ZNF385D: variants seen among roughly 807,000 people sequenced by gnomAD.
ZNF385D encodes the protein zinc finger protein 385D, also known as zinc finger protein 659.
In ZNF385D, 15 loss-of-function variants were observed where a neutral mutation model predicts 35.8. That is an observed-to-expected ratio of 0.42 (90% CI 0.28 to 0.64). The LOEUF (loss-of-function observed/expected upper bound fraction) is 0.64, where lower values mean the gene tolerates loss of function less well. Ranked by LOEUF, ZNF385D falls within the 30% of genes least tolerant of loss-of-function variation. ZNF385D has a pLI of 0.23. For missense variants in ZNF385D, 474 were observed against 494.6 expected, an observed-to-expected ratio of 0.96 and a Z score of 0.39; for synonymous variants, 212 against 186.8, an observed-to-expected ratio of 1.13 and a Z score of -1.10.
chr3:21,531,178 T>A lies in ZNF385D; in HGVS notation c.277-20155A>T, dbSNP rs1358657389. Among the ~76,000 whole-genome samples, 16 of 152,090 alleles carry A rather than the reference T, an allele frequency of 1.1e-4. 1 individual carries two copies. The stretch of plus-strand genomic sequence containing the variant: ...TCTACACTGTTGCTTAATGCTTTTT[T>A]AAAAAAAGGCAAATTAAAACAATGA... On this transcript the variant is annotated intron_variant, in intron 3 of 7. Coordinates refer to ENST00000281523, the MANE Select transcript of ZNF385D (RefSeq NM_024697.3).
intron 3 of ZNF385D, among the ~76,000 whole-genome samples, chr3:21,531,806 A>G (rs1259624097): frequency 6.6e-6 from 1 of 152,228 alleles, no homozygotes; most frequent in East Asian, 1.9e-4. Context: ...ATTCTGTATA[A>G]TATGGTAACA....
chr3:21,428,087 C>T (rs184293176), intron 5 of ZNF385D, among the ~76,000 whole-genome samples: 62 of 152,150 alleles, frequency 4.1e-4, no homozygotes, highest in African/African-American at 1.5e-3. Flanking sequence ...GATCTTAAAG[C>T]TTGAGTAGGC....
At chr3:22,068,875 C>G (rs1481112244) in intron 3 of ZNF385D, among the ~76,000 whole-genome samples, 1 of 152,208 alleles carries the variant, frequency 6.6e-6, no homozygotes, top group East Asian at 1.9e-4. Context: ...GCACAGATCA[C>G]AGTGACACTT....
rs970549681 is a variant in ZNF385D, at chr3:21,441,720, C to T, written c.440-4517G>A. On this transcript the variant is annotated intron_variant, in intron 4 of 7. Transcript: ENST00000281523. ...AGAATGGTAAGAATAAACCACAGGG[C>T]TTCATTGCACCTTTTTTTCCCCCTG... 3.0e-6 allele frequency: 3 copies of T among 985,206 alleles called. No homozygotes were observed. In the African/African-American group the frequency reaches 5.2e-5, roughly 17 times the overall value. The allele number at this position is 985,206 out of a possible 1,614,324, so 61.0% of individuals were successfully genotyped here.
intron 1 of ZNF385D, among the ~76,000 whole-genome samples, chr3:21,744,006 C>A (rs1297727798): frequency 6.6e-6 from 1 of 152,164 alleles, no homozygotes; most frequent in South Asian, 2.1e-4. Context: ...ATTACTGTTA[C>A]AAATAATCTT....
In ZNF385D at chr3:21,967,952, A is replaced by G. The variant is rs146524865; in HGVS notation, c.325+200865T>C. 6.5e-3 allele frequency among the ~76,000 whole-genome samples: 984 copies of G among 152,326 alleles called. 10 individuals carry two copies. The highest frequency in any genetic ancestry group is 0.022 in the African/African-American group (928 of 41,570). On this transcript the variant is annotated intron_variant, in intron 3 of 5. Transcript: ENST00000494108. ...TATCTGTTCTTAACATCATGTAAGG[A>G]AAGAGACACTAAAGTGGGTAGTTTT...
intron 3 of ZNF385D, among the ~76,000 whole-genome samples, chr3:21,867,930 T>C (rs1027274793): frequency 2.6e-5 from 4 of 152,108 alleles, no homozygotes; most frequent in African/African-American, 9.7e-5. Context: ...CTAATTTAAA[T>C]TTACACAACC....
chr3:21,521,563 G>A (rs1707910167), intron 3 of ZNF385D, among the ~76,000 whole-genome samples: 2 of 152,002 alleles, frequency 1.3e-5, no homozygotes, highest in South Asian at 4.2e-4. Flanking sequence ...GACCGGCTTG[G>A]GCAACAAAGC....
chr3:21,764,291 G>C (rs1006610846), intron 3 of ZNF385D, among the ~76,000 whole-genome samples: 2 of 152,108 alleles, frequency 1.3e-5, no homozygotes, highest in African/African-American at 2.4e-5. Flanking sequence ...GTATTAGTTA[G>C]GAGAAGTAGT....
chr3:22,182,086 G>A (rs567625402), intron 2 of ZNF385D, among the ~76,000 whole-genome samples: 11 of 152,130 alleles, frequency 7.2e-5, no homozygotes, highest in Non-Finnish European at 1.2e-4. Flanking sequence ...AGAAGTCCTG[G>A]TTAGGCAATG....
At chr3:21,615,793 AGTGTGTGTGTGT>A (rs144521609) in intron 2 of ZNF385D, among the ~76,000 whole-genome samples, 1 of 145,238 alleles carries the variant, frequency 6.9e-6, no homozygotes, top group South Asian at 2.3e-4. Flanking sequence ...ATGGAGAAAG[AGTGTGTGTGTGT>A]GTGTGTGTGT....
intron 4 of ZNF385D, among the ~76,000 whole-genome samples, chr3:21,481,547 A>T (rs1217652422): frequency 6.6e-6 from 1 of 151,850 alleles, no homozygotes; most frequent in Non-Finnish European, 1.5e-5. Flanking sequence ...TTTTTCCTTC[A>T]CAGACAGGGT....
rs1045828797 is a variant in ZNF385D, at chr3:21,564,780, T to C, written c.166-96A>G. On this transcript the variant is annotated intron_variant, in intron 2 of 7. Transcript: ENST00000281523. ...TCATTAAAGAACCAATCTGTACAGC[T>C]TCAATCTACTGCTCACATTATAAAG... 1.5e-5 allele frequency: 8 copies of C among 551,278 alleles called. No individual in the cohort carries two copies. The Admixed American group carries it at 1.7e-4, about 12-fold the overall frequency. The allele number at this position is 551,278 out of a possible 1,614,324, so 34.1% of individuals were successfully genotyped here. A position where few individuals can be genotyped will look rare whatever the true frequency, so the allele number is the denominator to read the frequency against.
rs530245456 is a variant in ZNF385D, at chr3:21,516,417, A to C, written c.277-5394T>G. On this transcript the variant is annotated intron_variant, in intron 3 of 7. Transcript: ENST00000281523. ...TAGCAGACAAAGGAGAATTTCTCAG[A>C]GCAGAGAAGTTACCCTTTTTTTTAA... 2.0e-5 allele frequency among the ~76,000 whole-genome samples: 3 copies of C among 152,272 alleles called. No individual in the cohort carries two copies. In the East Asian group the frequency reaches 5.8e-4, roughly 29 times the overall value.
At chr3:22,056,854 T>C (rs567955995) in intron 3 of ZNF385D, among the ~76,000 whole-genome samples, 63 of 152,308 alleles carry the variant, frequency 4.1e-4, no homozygotes, top group African/African-American at 1.2e-3. Flanking sequence ...ATGTGTCTCA[T>C]TGTGGAGCCC....
At chr3:21,687,281 G>C (rs890354734) in intron 1 of ZNF385D, among the ~76,000 whole-genome samples, 1 of 152,148 alleles carries the variant, frequency 6.6e-6, no homozygotes, top group African/African-American at 2.4e-5. Flanking sequence ...CAGAGGAAGT[G>C]CTCAAACCCA....
At position 21,465,783 on chromosome 3, in the gene ZNF385D, C is replaced by T. The variant is rs1036719949; in HGVS notation, c.440-28580G>A. ...TGTTTGTAATTAATCATGCAGTAGA[C>T]GTAAGCCAGGTGCTAGGTGTTAGGA... On this transcript the variant is annotated intron_variant, in intron 4 of 7. Transcript: ENST00000281523. The surrounding 1 kb of genome is among the most constrained non-coding windows in gnomAD (Gnocchi z 4.2). Among the ~76,000 whole-genome samples the T allele has an allele frequency of 6.6e-6, 1 of 152,150 alleles. No individual in the cohort carries two copies. The highest frequency in any genetic ancestry group is 1.5e-5 in the Non-Finnish European group (1 of 68,034).
chr3:22,086,333 C>G (rs1348384353), intron 3 of ZNF385D, among the ~76,000 whole-genome samples: 1 of 152,186 alleles, frequency 6.6e-6, no homozygotes, highest in Non-Finnish European at 1.5e-5. Flanking sequence ...TCTCCTTAAG[C>G]TGATAAGCAA....
intron 3 of ZNF385D, among the ~76,000 whole-genome samples, chr3:21,948,650 T>A (rs1245983789): frequency 1.3e-5 from 2 of 152,090 alleles, no homozygotes; most frequent in African/African-American, 2.4e-5. Context: ...TTCTAATTCA[T>A]TAGATTCTGC....
Sources: allele counts gnomAD v4.1 joint callset (sites outside exome capture counted in the v4.1 genomes callset), GRCh38; gene constraint gnomAD v4.1.1; non-coding constraint Gnocchi (gnomAD v3.1); transcripts MANE v1.5; gene names NCBI Gene and HGNC (gene_info 2026-07-23, HGNC 2026-07-21).